ZNF34: variants seen among roughly 807,000 people sequenced by gnomAD.
ZNF34 encodes the protein zinc finger protein 34 (KOX 32).
A neutral mutation model predicts 14.4 loss-of-function variants in ZNF34; 8 were observed. The ratio of observed to expected loss-of-function variants is 0.55; its 90% CI spans 0.33 to 1.00. ZNF34 has a LOEUF of 1.00. ZNF34 is among the 50% of genes least tolerant of loss of function. ZNF34 has a pLI of 0.03. For synonymous variants in ZNF34, 235 were observed against 247.9 expected (o/e 0.95, Z 0.49); for missense variants, 538 against 674.2 (o/e 0.80, Z 2.24).
In ZNF34 at chr8:144,780,376, T is replaced by A. The variant is rs888771929; in HGVS notation, c.-107-96A>T. The A allele has an allele frequency of 8.8e-6, 8 of 913,994 alleles. No individual in the cohort carries two copies. The African/African-American group carries it at 1.2e-4, about 14-fold the overall frequency. 56.6% of individuals were successfully genotyped at this position (913,994 alleles called of 1,614,324 possible). On this transcript the variant is annotated intron_variant, in intron 1 of 5. Coordinates refer to ENST00000429371, the MANE Select transcript of ZNF34 (RefSeq NM_001286769.2). ...GTGGTAGCTATATATCTTTTCTGTA[T>A]CTTTAAAGCTTTTTATTTAAGTATA...
At chr8:144,786,351 AG>A (rs1481740915) in intron 1 of ZNF34, among the ~76,000 whole-genome samples, 1 of 150,856 alleles carries the variant, frequency 6.6e-6, no homozygotes. Flanking sequence ...TAAGAAAACG[AG>A]GCCGGGCGCA....
intron 2 of ZNF34, among the ~76,000 whole-genome samples, chr8:144,778,737 T>TC (rs1825689642): frequency 6.6e-6 from 1 of 151,930 alleles, no homozygotes; most frequent in Non-Finnish European, 1.5e-5. Context: ...TTTCTTTCTT[T>TC]TTTTTTTAAT....
At position 144,777,555 on chromosome 8, in the gene ZNF34, C is replaced by G. The variant is rs917250757; in HGVS notation, c.183G>C (p.Lys61Asn). The change falls in exon 5 of 6, where the codon AAG (lysine) becomes AAC (asparagine). Residue 61 changes from lysine to asparagine, a missense_variant. This residue lies in a region of ZNF34 where 431 missense variants were observed against 525.7 expected (regional missense o/e 0.82). Transcript: ENST00000429371. The surrounding 1 kb of genome is among the most constrained non-coding windows in gnomAD (Gnocchi z 4.8). Reference sequence around the variant, plus strand: ...GCTCCAACTGCGAGATCACTCCAGGCTTGGGGCCTGCAGGTCCTACTCCTG... The same window carrying G: ...GCTCCAACTGCGAGATCACTCCAGGGTTGGGGCCTGCAGGTCCTACTCCTG... ...VSLGVGPAGP[K>N]PGVISQLERG... 1 of 1,552,874 alleles carries G rather than the reference C, an allele frequency of 6.4e-7. No individual in the cohort carries two copies. The highest frequency in any genetic ancestry group is 1.2e-5 in the South Asian group (1 of 84,114).
At chr8:144,781,940 C>T (rs1825912116) in intron 1 of ZNF34, among the ~76,000 whole-genome samples, 1 of 152,176 alleles carries the variant, frequency 6.6e-6, no homozygotes. Flanking sequence ...AATCCCAGCA[C>T]TTTGGGAGGC....
At chr8:144,782,374 C>T (rs1825941079) in intron 1 of ZNF34, among the ~76,000 whole-genome samples, 1 of 151,924 alleles carries the variant, frequency 6.6e-6, no homozygotes, top group Non-Finnish European at 1.5e-5. Context: ...CCTGTAATCC[C>T]AGTAACTTGG....
intron 1 of ZNF34, among the ~76,000 whole-genome samples, chr8:144,786,665 G>A (rs1362439948): frequency 2.0e-5 from 3 of 151,386 alleles, no homozygotes; most frequent in Non-Finnish European, 2.9e-5. Context: ...AAAGAAGGAA[G>A]AGAAGAGAAA....
intron 1 of ZNF34, among the ~76,000 whole-genome samples, chr8:144,786,607 C>T (rs1490950602): frequency 6.6e-6 from 1 of 151,512 alleles, no homozygotes; most frequent in African/African-American, 2.4e-5. Flanking sequence ...GTACTCCAGC[C>T]TGGGCGACAG....
chr8:144,774,111 T>C lies in ZNF34; in HGVS notation c.775A>G (p.Lys259Glu), dbSNP rs1825344335. ...QRLHTEEKPY[K>E]CDECGKAFSQ... is the part of the protein sequence containing the mutation. ...AAGGCTTTCCCACACTCATCACATTTGTAGGGCTTCTCTTCAGTGTGAAGC... is the reference window on the plus strand; with the variant it reads ...AAGGCTTTCCCACACTCATCACATTCGTAGGGCTTCTCTTCAGTGTGAAGC... Residue 259 changes from lysine to glutamate, a missense_variant, in exon 6 of 6, where the codon AAA becomes GAA. Physicochemically the swap from Lys to Glu is moderately conservative, Grantham distance 56. Coordinates refer to ENST00000429371, the MANE Select transcript of ZNF34 (RefSeq NM_001286769.2). 3.1e-6 allele frequency: 5 copies of C among 1,613,978 alleles called. No individual in the cohort carries two copies. The highest frequency in any genetic ancestry group is 2.2e-5 in the South Asian group (2 of 91,096).
At chr8:144,782,999 T>TA (rs149988063) in intron 1 of ZNF34, among the ~76,000 whole-genome samples, 6 of 148,986 alleles carry the variant, frequency 4.0e-5, no homozygotes, top group East Asian at 3.9e-4. Flanking sequence ...TTAAATAGAT[T>TA]AAAAAAAAAG....
chr8:144,780,972 A>C (rs1825836214), intron 1 of ZNF34, among the ~76,000 whole-genome samples: 1 of 149,324 alleles, frequency 6.7e-6, no homozygotes, highest in Non-Finnish European at 1.5e-5. Flanking sequence ...GTCTCTACCG[A>C]AAATACAAAA....
intron 1 of ZNF34, among the ~76,000 whole-genome samples, chr8:144,780,737 C>T (rs955602860): frequency 1.3e-5 from 2 of 150,976 alleles, no homozygotes; most frequent in Non-Finnish European, 3.0e-5. Flanking sequence ...TGTAGTGAGC[C>T]GAGATCGCGC....
intron 1 of ZNF34, among the ~76,000 whole-genome samples, chr8:144,781,444 G>A (rs1004619758): frequency 6.6e-6 from 1 of 151,952 alleles, no homozygotes; most frequent in Non-Finnish European, 1.5e-5. Flanking sequence ...TTTTAGTAGA[G>A]ACGGAGTTTC....
intron 1 of ZNF34, 81 bp from the exon 2 acceptor site, chr8:144,780,361 T>C (rs1180276932): frequency 1.9e-6 from 2 of 1,069,076 alleles, no homozygotes; most frequent in African/African-American, 1.6e-5. Flanking sequence ...GTGGTAGCTA[T>C]ATATCTTTTC....
chr8:144,777,385 T>C lies in ZNF34; in HGVS notation c.280+73A>G. ...ATCTGGCCCACAAACTCCTGATTCATTAATCAGACACCCTGGACCCCAATA... is the reference window on the plus strand; with the variant it reads ...ATCTGGCCCACAAACTCCTGATTCACTAATCAGACACCCTGGACCCCAATA... On this transcript the variant is annotated intron_variant, in intron 5 of 5. Transcript: ENST00000429371. The surrounding 1 kb of genome is among the most constrained non-coding windows in gnomAD (Gnocchi z 4.8). 1 of 1,511,176 alleles carries C rather than the reference T, an allele frequency of 6.6e-7. No homozygotes were observed. The highest frequency in any genetic ancestry group is 8.9e-7 in the Non-Finnish European group (1 of 1,123,652). The allele number at this position is 1,511,176 out of a possible 1,614,324, so 93.6% of individuals were successfully genotyped here. A position where few individuals can be genotyped will look rare whatever the true frequency, so the allele number is the denominator to read the frequency against.
rs1378979759 is a variant in ZNF34 at position 144,773,706 on chromosome 8, C to T, written c.1180G>A (p.Gly394Arg). The T allele has an allele frequency of 2.5e-6, 4 of 1,613,882 alleles. No homozygotes were observed. The highest frequency in any genetic ancestry group is 3.4e-6 in the Non-Finnish European group (4 of 1,179,952). Residue 394 changes from glycine (G) to arginine (R), a missense_variant, in exon 6 of 6, where the codon GGA (glycine) becomes AGA (arginine). Gly to Arg is a moderately radical substitution (Grantham distance 125). Coordinates refer to ENST00000429371, the MANE Select transcript of ZNF34 (RefSeq NM_001286769.2). This position sits in a 1 kb window ranked among gnomAD's most constrained non-coding sequence, Gnocchi z 5.4. ...NLIQHQRIHT[G>R]EKPYKCNECE... is the part of the protein sequence containing the mutation. ...TCATTACATTTATAGGGTTTCTCTC[C>T]AGTGTGAATTCTCTGATGTTGGATA...
At chr8:144,784,149 G>A (rs1379181185) in intron 1 of ZNF34, among the ~76,000 whole-genome samples, 9 of 146,220 alleles carry the variant, frequency 6.2e-5, no homozygotes, top group Non-Finnish European at 1.3e-4. Flanking sequence ...GACAGAGCGA[G>A]ACTACGTCTC....
At position 144,780,867 on chromosome 8, in the gene ZNF34, T is replaced by C. The variant is rs779186672; in HGVS notation, c.-107-587A>G. ...ACTGCATATTACTGGCCAGGCGTGGTTGCTCACCCCTGAAATCCCAACACT... is the reference window on the plus strand; with the variant it reads ...ACTGCATATTACTGGCCAGGCGTGGCTGCTCACCCCTGAAATCCCAACACT... On this transcript the variant is annotated intron_variant, in intron 1 of 5. Transcript: ENST00000429371. 5.1e-4 allele frequency among the ~76,000 whole-genome samples: 77 copies of C among 151,424 alleles called. 2 individuals are homozygous for C. Among genetic ancestry groups the C allele is most frequent in the Middle Eastern group, 3.5e-3 (1 of 288 alleles).
intron 5 of ZNF34, 135 bp from the exon 6 acceptor site, chr8:144,774,740 TG>T: frequency 1.9e-6 from 2 of 1,079,872 alleles, no homozygotes; most frequent in Non-Finnish European, 2.7e-6. Flanking sequence ...GATAAGAGCC[TG>T]GAGCTCAGAG....
intron 3 of ZNF34, 72 bp downstream of exon 3, chr8:144,778,367 G>A: frequency 7.0e-7 from 1 of 1,423,236 alleles, no homozygotes. Context: ...CCAAACCAGA[G>A]ACACCTGGCA....
Sources: gnomAD v4.1 joint callset for allele counts (sites outside exome capture counted in the v4.1 genomes callset) on GRCh38, gnomAD v4.1.1 for gene constraint, gnomAD v4.1.1 regional missense constraint, Gnocchi (gnomAD v3.1) non-coding constraint, MANE v1.5 for transcripts, NCBI Gene and HGNC (gene_info 2026-07-23, HGNC 2026-07-21) for gene names.